Variants in TMCC2 observed in about 807,000 individuals in gnomAD.
TMCC2 encodes transmembrane and coiled-coil domains protein 2.
A neutral mutation model predicts 49.4 loss-of-function variants in TMCC2; 16 were observed. The observed-to-expected ratio is 0.32, with a 90% confidence interval of 0.22 to 0.49. The LOEUF (loss-of-function observed/expected upper bound fraction) is 0.49, where lower values mean the gene tolerates loss of function less well. Ranked by LOEUF, TMCC2 falls within the 20% of genes least tolerant of loss-of-function variation. The probability of loss-of-function intolerance (pLI) is 0.99; values close to 1 mark genes in which losing one functional copy is unlikely to be tolerated. For synonymous variants in TMCC2, 397 were observed against 434.1 expected (o/e 0.91, Z 1.06); for missense variants, 762 against 989.8 (o/e 0.77, Z 3.09).
At chr1:205,231,983 C>T (rs970698605) in intron 1 of TMCC2, among the ~76,000 whole-genome samples, 5 of 152,106 alleles carry the variant, frequency 3.3e-5, no homozygotes, top group East Asian at 3.8e-4. Context: ...AAAGCACCTC[C>T]GTAGAGGTTG....
chr1:205,272,092 T>C lies in TMCC2; in HGVS notation c.2098T>C (p.Tyr700His). The change falls in exon 5 of 5, where the codon TAC (tyrosine) becomes CAC (histidine). Residue 700 changes from tyrosine to histidine, a missense_variant. By Grantham distance (83) the Tyr-to-His change is moderately conservative. Transcript: ENST00000358024. ...CTGGAAGCACTGGGACTCCCTCACC[T>C]ACCTCCTGGAGCACGTGTTGCTGCC... ...LLWKHWDSLT[Y>H]LLEHVLLPS 2.5e-6 allele frequency: 4 copies of C among 1,613,722 alleles called. No individual in the cohort carries two copies. The highest frequency in any genetic ancestry group is 2.5e-6 in the Non-Finnish European group (3 of 1,179,672).
intron 2 of TMCC2, among the ~76,000 whole-genome samples, chr1:205,250,171 G>A (rs191823949): frequency 1.3e-5 from 2 of 152,294 alleles, no homozygotes; most frequent in East Asian, 1.9e-4. Flanking sequence ...GACAGAATCA[G>A]CCACCAGGTA....
intron 1 of TMCC2, among the ~76,000 whole-genome samples, chr1:205,238,384 T>G (rs1172159): frequency 6.6e-6 from 1 of 151,962 alleles, no homozygotes; most frequent in Non-Finnish European, 1.5e-5. Flanking sequence ...ACCCCTTCAT[T>G]TGGAGTAATC....
At chr1:205,236,952 G>A (rs182348680) in intron 1 of TMCC2, 1 of 152,250 alleles carries the variant, frequency 6.6e-6, no homozygotes, top group Non-Finnish European at 1.5e-5. Context: ...GCTCCAGGCT[G>A]AATTCTCTAA....
At chr1:205,234,766 TCTC>T (rs557325926) in intron 1 of TMCC2, among the ~76,000 whole-genome samples, 163 of 152,040 alleles carry the variant, frequency 1.1e-3, no homozygotes, top group African/African-American at 3.8e-3. Context: ...TTCAAGCGGT[TCTC>T]CTGTCTCAAC....
intron 2 of TMCC2, among the ~76,000 whole-genome samples, chr1:205,261,733 G>A (rs1376541483): frequency 6.6e-6 from 1 of 151,872 alleles, no homozygotes; most frequent in Non-Finnish European, 1.5e-5. Context: ...CTCTTAATTT[G>A]TTCGTATTTG....
Position 205,269,742 on chromosome 1 carries a change from G to A in TMCC2, c.1540G>A (p.Gly514Arg). The change falls in exon 3 of 5, where the codon GGA becomes AGA. Residue 514 changes from glycine to arginine, a missense_variant. Around this residue, in one of 2 missense-constraint regions of TMCC2, gnomAD observed 440 missense variants for 636.7 expected, o/e 0.69. Coordinates refer to ENST00000358024, the MANE Select transcript of TMCC2 (RefSeq NM_014858.4). ...GTCCAATGCACTGTATGGTGCTCCT[G>A]GAAACCTGGATGCTCTGCTGGAAGA... ...PKSNALYGAP[G>R]NLDALLEELR... 6.2e-7 allele frequency: 1 copy of A among 1,614,204 alleles called. No homozygotes were observed. Among genetic ancestry groups the A allele is most frequent in the Non-Finnish European group, 8.5e-7 (1 of 1,180,024 alleles).
chr1:205,230,822 T>C (rs964366101), intron 1 of TMCC2, among the ~76,000 whole-genome samples: 86 of 146,322 alleles, frequency 5.9e-4, no homozygotes, highest in African/African-American at 1.9e-3. Context: ...ATTATCTTTT[T>C]TTTCTTTCTT....
chr1:205,244,961 C>T (rs73083148), intron 2 of TMCC2, among the ~76,000 whole-genome samples: 3,002 of 152,170 alleles, frequency 0.02, 93 homozygotes, highest in African/African-American at 0.067. Flanking sequence ...TCAGAGTATA[C>T]TCATAGAGCA....
chr1:205,251,960 A>G (rs1660686923), intron 2 of TMCC2, among the ~76,000 whole-genome samples: 1 of 152,192 alleles, frequency 6.6e-6, no homozygotes, highest in Non-Finnish European at 1.5e-5. Flanking sequence ...ATTCCTGGCA[A>G]ATAGGGTGGG....
chr1:205,237,953 CT>C (rs1236294829), intron 1 of TMCC2, among the ~76,000 whole-genome samples: 6 of 152,292 alleles, frequency 3.9e-5, no homozygotes, highest in Admixed American at 3.9e-4. Context: ...GACGGCACTT[CT>C]TGCTTCGGTC....
rs1659641431 is a variant in TMCC2, at chr1:205,228,011, C to T, written c.-554C>T. On this transcript the variant is annotated 5_prime_UTR_variant, in exon 1 of 5. Transcript: ENST00000358024. ...GGCAGGCTGCGCGTCAGGCGGGGAG[C>T]GGGGCGCGCGGGCCGGGGAGGGGGC... Among the ~76,000 whole-genome samples, 1 of 147,638 alleles carries T rather than the reference C, an allele frequency of 6.8e-6. No homozygotes were observed. The highest frequency in any genetic ancestry group is 6.7e-5 in the Admixed American group (1 of 14,860).
chr1:205,263,284 T>C (rs906422244), intron 2 of TMCC2, among the ~76,000 whole-genome samples: 2 of 152,138 alleles, frequency 1.3e-5, no homozygotes, highest in African/African-American at 4.8e-5. Flanking sequence ...TTTTAAATGC[T>C]ATGGCCAATA....
chr1:205,259,593 C>T (rs1029317324), intron 2 of TMCC2, among the ~76,000 whole-genome samples: 10 of 152,230 alleles, frequency 6.6e-5, no homozygotes, highest in East Asian at 1.9e-4. Flanking sequence ...GTGTGCCTCC[C>T]GGATATCGGG....
intron 2 of TMCC2, among the ~76,000 whole-genome samples, chr1:205,255,798 C>G (rs1660848400): frequency 6.6e-6 from 1 of 152,116 alleles, no homozygotes; most frequent in Non-Finnish European, 1.5e-5. Context: ...GACCTATTTA[C>G]AAATAACCCT....
At chr1:205,271,414 G>T (rs532876564) in intron 4 of TMCC2, 159 bp downstream of exon 4, 16 of 1,223,508 alleles carry the variant, frequency 1.3e-5, no homozygotes, top group Non-Finnish European at 1.9e-5. Flanking sequence ...TAGCGGGAGC[G>T]GAGTGGAGTG....
At chr1:205,230,997 T>TCCCC (rs57350842) in intron 1 of TMCC2, among the ~76,000 whole-genome samples, 15 of 42,276 alleles carry the variant, frequency 3.5e-4, no homozygotes, top group South Asian at 9.8e-4. Context: ...CATCCCCCCA[T>TCCCC]CCCCCCCCCC....
intron 3 of TMCC2, among the ~76,000 whole-genome samples, chr1:205,270,522 G>A (rs182207280): frequency 4.5e-4 from 69 of 152,256 alleles, no homozygotes; most frequent in African/African-American, 1.5e-3. Context: ...CTTGCCGCTC[G>A]CTCCCTGGGC....
chr1:205,242,371 A>G (rs1373728353), intron 2 of TMCC2, among the ~76,000 whole-genome samples: 6 of 152,060 alleles, frequency 3.9e-5, no homozygotes, highest in Non-Finnish European at 8.8e-5. Flanking sequence ...ACTGGAAGCA[A>G]CTCTGGTTCT....
Sources: allele counts gnomAD v4.1 joint callset (sites outside exome capture counted in the v4.1 genomes callset), GRCh38; gene constraint gnomAD v4.1.1; regional missense constraint gnomAD v4.1.1; transcripts MANE v1.5; gene names NCBI Gene and HGNC (gene_info 2026-07-23, HGNC 2026-07-21).